Variants in NOL10 observed in about 807,000 individuals in gnomAD.
NOL10 encodes nucleolar protein 10.
Under a neutral mutation model 103.5 loss-of-function variants are expected in NOL10, and 58 were observed. The ratio of observed to expected loss-of-function variants is 0.56; its 90% confidence interval spans 0.45 to 0.70. The LOEUF (loss-of-function observed/expected upper bound fraction) is 0.70. Ranked by LOEUF, NOL10 falls within the 30% of genes least tolerant of loss-of-function variation. NOL10 has a pLI of 0.00. For missense variants in NOL10, 763 were observed against 807.3 expected (o/e 0.95, Z 0.67); for synonymous variants, 287 against 282.5 (o/e 1.02, Z -0.16).
intron 13 of NOL10, among the ~76,000 whole-genome samples, chr2:10,614,194 G>A (rs1445752449): frequency 1.3e-5 from 2 of 152,114 alleles, no homozygotes; most frequent in South Asian, 2.1e-4. Flanking sequence ...TCCTGACCTC[G>A]GGTGATCCGC....
chr2:10,586,752 T>C (rs1010409444), intron 19 of NOL10, among the ~76,000 whole-genome samples: 1 of 152,016 alleles, frequency 6.6e-6, no homozygotes, highest in African/African-American at 2.4e-5. Context: ...AATGAATAAA[T>C]ATATTTTCCT....
At chr2:10,626,639 C>T (rs530541744) in intron 13 of NOL10, among the ~76,000 whole-genome samples, 5 of 152,132 alleles carry the variant, frequency 3.3e-5, no homozygotes, top group Non-Finnish European at 7.4e-5. Flanking sequence ...CCGACTATAT[C>T]TCATCCAAAA....
At chr2:10,664,492 T>A (rs568983423) in intron 8 of NOL10, among the ~76,000 whole-genome samples, 1 of 152,238 alleles carries the variant, frequency 6.6e-6, no homozygotes, top group African/African-American at 2.4e-5. Flanking sequence ...TGAATATACA[T>A]GTACTAGAAT....
At chr2:10,644,517 T>C (rs1678926135) in intron 12 of NOL10, 145 bp from the exon 13 acceptor site, 10 of 550,606 alleles carry the variant, frequency 1.8e-5, no homozygotes, top group Admixed American at 4.2e-5. Flanking sequence ...TCACAGCAAA[T>C]TCCTAACTTT....
At chr2:10,635,652 C>G (rs529446965) in intron 13 of NOL10, among the ~76,000 whole-genome samples, 1 of 152,320 alleles carries the variant, frequency 6.6e-6, no homozygotes, top group Admixed American at 6.5e-5. Context: ...AGTCACAGAT[C>G]TGTTTATCAC....
chr2:10,588,917 C>T (rs760741122), intron 19 of NOL10, 126 bp downstream of exon 19: 24 of 1,397,170 alleles, frequency 1.7e-5, no homozygotes, highest in Non-Finnish European at 2.1e-5. Flanking sequence ...CTGCTTCCCT[C>T]GTCCCCTCCA....
intron 3 of NOL10, among the ~76,000 whole-genome samples, chr2:10,677,757 G>A (rs1403956458): frequency 1.3e-5 from 2 of 152,092 alleles, no homozygotes; most frequent in African/African-American, 4.8e-5. Flanking sequence ...ACAGGCGTGA[G>A]CCACCGCACC....
chr2:10,639,441 CAAAT>C (rs1258591804), intron 13 of NOL10, among the ~76,000 whole-genome samples: 4 of 152,180 alleles, frequency 2.6e-5, no homozygotes, highest in Admixed American at 6.5e-5. Flanking sequence ...GCTTCCCAAA[CAAAT>C]AGTTTTCCTC....
intron 19 of NOL10, among the ~76,000 whole-genome samples, chr2:10,586,601 TC>T (rs77661523): frequency 0.25 from 38,397 of 151,864 alleles, 6,844 homozygotes; most frequent in African/African-American, 0.47. Context: ...ATTACTCGCC[TC>T]CCCTGCCTCC....
chr2:10,592,918 G>A (rs10183359), intron 17 of NOL10, among the ~76,000 whole-genome samples: 52,250 of 151,910 alleles, frequency 0.34, 9,411 homozygotes, highest in Non-Finnish European at 0.4. Context: ...TTCTATAGGA[G>A]CTTACAAGTG....
intron 19 of NOL10, among the ~76,000 whole-genome samples, chr2:10,587,479 C>CA (rs1305337963): frequency 6.8e-6 from 1 of 147,284 alleles, no homozygotes; most frequent in Non-Finnish European, 1.5e-5. Flanking sequence ...CCATGTTGGC[C>CA]AGGATGGTCT....
chr2:10,581,510 C>A (rs1179527667), intron 19 of NOL10, among the ~76,000 whole-genome samples: 2 of 152,126 alleles, frequency 1.3e-5, no homozygotes, highest in Non-Finnish European at 2.9e-5. Flanking sequence ...AGACTTGCTG[C>A]TAAACAAAAA....
At chr2:10,663,874 C>T (rs1208173339) in intron 8 of NOL10, among the ~76,000 whole-genome samples, 2 of 150,810 alleles carry the variant, frequency 1.3e-5, no homozygotes, top group South Asian at 2.1e-4. Context: ...GGCATGAACC[C>T]GGGAGGCTGG....
intron 12 of NOL10, among the ~76,000 whole-genome samples, chr2:10,644,920 A>AT (rs1259672288): frequency 6.6e-6 from 1 of 152,292 alleles, no homozygotes; most frequent in East Asian, 1.9e-4. Flanking sequence ...TTTCTCTGCC[A>AT]TTTTTGCAAC....
chr2:10,673,622 G>T, intron 4 of NOL10, 65 bp from the exon 5 acceptor site: 3 of 1,054,990 alleles, frequency 2.8e-6, no homozygotes, highest in Non-Finnish European at 4.2e-6. Flanking sequence ...ACGCAAACCT[G>T]ATGCAAAGAT....
chr2:10,680,756 T>C (rs1054154644), intron 3 of NOL10, among the ~76,000 whole-genome samples: 3 of 152,052 alleles, frequency 2.0e-5, no homozygotes, highest in Non-Finnish European at 4.4e-5. Flanking sequence ...AAGAAAGTGG[T>C]TGGAAAAGGA....
intron 13 of NOL10, among the ~76,000 whole-genome samples, chr2:10,628,550 T>C (rs1243828787): frequency 6.6e-6 from 1 of 152,184 alleles, no homozygotes; most frequent in Admixed American, 6.5e-5. Flanking sequence ...TTAATTTCAT[T>C]GGTTTAATCT....
Position 10,589,233 on chromosome 2 carries a change from C to A in NOL10, c.1654G>T (p.Asp552Tyr). 1 of 1,613,936 alleles carries A rather than the reference C, an allele frequency of 6.2e-7. No individual in the cohort carries two copies. The change falls in exon 19 of 21, where the codon GAT becomes TAT. Residue 552 changes from aspartate to tyrosine, a missense_variant. Transcript: ENST00000381685. ...PSDAESSESSDDEKAWVEEVR... is the reference protein window; with the variant it reads ...PSDAESSESSYDEKAWVEEVR... ...TCTTCAACCCAGGCTTTTTCATCATCTGAACTCTCCGAACTTTCTGCATCA... is the reference window on the plus strand; with the variant it reads ...TCTTCAACCCAGGCTTTTTCATCATATGAACTCTCCGAACTTTCTGCATCA...
chr2:10,606,888 C>T (rs1004756757), intron 14 of NOL10, among the ~76,000 whole-genome samples: 2 of 152,042 alleles, frequency 1.3e-5, no homozygotes, highest in African/African-American at 4.8e-5. Context: ...AAAATCACTC[C>T]TTTCGTGACA....
Sources: gnomAD v4.1 joint callset for allele counts (sites outside exome capture counted in the v4.1 genomes callset) on GRCh38, gnomAD v4.1.1 for gene constraint, MANE v1.5 for transcripts, NCBI Gene and HGNC (gene_info 2026-07-23, HGNC 2026-07-21) for gene names.